GPC6: variants seen among roughly 807,000 people sequenced by gnomAD.
The protein encoded by GPC6 is glypican 6, also known as glypican-6.
GPC6 carries 14 observed loss-of-function variants against 55.2 expected under a neutral mutation model. That is an observed-to-expected ratio of 0.25 (90% CI 0.17 to 0.40). GPC6 has a LOEUF of 0.40. Ranked by LOEUF, GPC6 falls within the 10% of genes least tolerant of loss-of-function variation. The pLI, the probability that GPC6 is intolerant of heterozygous loss-of-function variation, is 1.00. For missense variants in GPC6, 641 were observed against 708.5 expected (o/e 0.90, Z 1.08); for synonymous variants, 278 against 259.6 (o/e 1.07, Z -0.68).
At chr13:93,801,813 C>T (rs1886381135) in intron 2 of GPC6, among the ~76,000 whole-genome samples, 1 of 152,102 alleles carries the variant, frequency 6.6e-6, no homozygotes, top group South Asian at 2.1e-4. Context: ...AATGAACTTC[C>T]AGCTTCATTT....
intron 3 of GPC6, among the ~76,000 whole-genome samples, chr13:93,962,539 A>G (rs1879831805): frequency 6.6e-6 from 1 of 152,192 alleles, no homozygotes; most frequent in South Asian, 2.1e-4. Context: ...GACTGAATAC[A>G]GAAACGAATA....
chr13:93,765,819 G>A (rs1054746811), intron 2 of GPC6, among the ~76,000 whole-genome samples: 22 of 152,192 alleles, frequency 1.4e-4, no homozygotes, highest in Admixed American at 4.6e-4. Context: ...GAATGGGCCT[G>A]TGCCTCCAAG....
intron 1 of GPC6, among the ~76,000 whole-genome samples, chr13:93,481,498 A>T (rs1235656773): frequency 1.3e-5 from 2 of 152,108 alleles, no homozygotes; most frequent in Non-Finnish European, 2.9e-5. Context: ...TATAGCTAAG[A>T]ATCCAAGATT....
At chr13:94,013,575 C>A (rs1882337448) in intron 3 of GPC6, among the ~76,000 whole-genome samples, 1 of 152,154 alleles carries the variant, frequency 6.6e-6, no homozygotes, top group African/African-American at 2.4e-5. Flanking sequence ...GTCTCGAATG[C>A]CTGACCTCAG....
intron 2 of GPC6, among the ~76,000 whole-genome samples, chr13:93,824,852 A>T (rs1453730450): frequency 6.6e-6 from 1 of 152,114 alleles, no homozygotes; most frequent in Non-Finnish European, 1.5e-5. Context: ...GGTCATGTTC[A>T]TCCATCGATC....
intron 3 of GPC6, among the ~76,000 whole-genome samples, chr13:93,962,669 G>T (rs1232261269): frequency 1.3e-5 from 2 of 152,116 alleles, no homozygotes; most frequent in Non-Finnish European, 2.9e-5. Flanking sequence ...GAATCCAGGT[G>T]GTAAAACCTA....
intron 2 of GPC6, among the ~76,000 whole-genome samples, chr13:93,698,988 G>A (rs917576999): frequency 4.6e-5 from 7 of 152,160 alleles, no homozygotes; most frequent in African/African-American, 1.7e-4. Flanking sequence ...AGAACTAGGA[G>A]AACTGAAAAG....
rs1875451443 is a variant in GPC6, at chr13:94,298,309, A to G, written c.1009-7671A>G. Among the ~76,000 whole-genome samples the G allele has an allele frequency of 2.0e-5, 3 of 152,200 alleles. No individual in the cohort carries two copies. The South Asian group carries it at 6.2e-4, about 31-fold the overall frequency. On this transcript the variant is annotated intron_variant, in intron 5 of 8. Transcript: ENST00000377047. Reference sequence around the variant, plus strand: ...TTCAACTAATTCTGATTTGCTTCCTAATGATACGTGAATGCTCCCAGGCAC... The same window carrying G: ...TTCAACTAATTCTGATTTGCTTCCTGATGATACGTGAATGCTCCCAGGCAC...
chr13:93,932,122 TTGTC>T (rs778367245), intron 3 of GPC6, among the ~76,000 whole-genome samples: 12 of 152,250 alleles, frequency 7.9e-5, no homozygotes, highest in Non-Finnish European at 1.6e-4. Context: ...AGTATTTTAA[TTGTC>T]TGGCGAACAG....
At chr13:93,958,847 T>C (rs1879631101) in intron 3 of GPC6, among the ~76,000 whole-genome samples, 1 of 152,212 alleles carries the variant, frequency 6.6e-6, no homozygotes, top group African/African-American at 2.4e-5. Flanking sequence ...ATTTGTGTTG[T>C]CTCAGATTTC....
At position 94,006,338 on chromosome 13, in the gene GPC6, G is replaced by A. The variant is rs571447368; in HGVS notation, c.712-21391G>A. On this transcript the variant is annotated intron_variant, in intron 3 of 8. Coordinates refer to ENST00000377047, the MANE Select transcript of GPC6 (RefSeq NM_005708.5). ...GGGTGATGTATTGAGGGAACTTAAA[G>A]ACAGAACCGTGGCCTTGGATAGCAG... 1.2e-4 allele frequency among the ~76,000 whole-genome samples: 19 copies of A among 152,258 alleles called. No homozygotes were observed. In the South Asian group the frequency reaches 3.7e-3, roughly 30 times the overall value.
intron 1 of GPC6, among the ~76,000 whole-genome samples, chr13:93,361,554 T>G (rs1020385731): frequency 2.0e-5 from 3 of 152,182 alleles, no homozygotes; most frequent in Admixed American, 2.0e-4. Context: ...TTTCCTTTAT[T>G]CATTTAAAAA....
chr13:93,227,184 T>G lies in GPC6; in HGVS notation c.-273T>G. Reference sequence around the variant, plus strand: ...ACTTCTTTTCCTTCTCTTCCTCGTTTTGATTGCACCGTTTCCATCTGGGGG... The same window carrying G: ...ACTTCTTTTCCTTCTCTTCCTCGTTGTGATTGCACCGTTTCCATCTGGGGG... On this transcript the variant is annotated 5_prime_UTR_variant, in exon 1 of 9. Coordinates refer to ENST00000377047, the MANE Select transcript of GPC6 (RefSeq NM_005708.5). The surrounding 1 kb of genome is among the most constrained non-coding windows in gnomAD (Gnocchi z 4.3). 1 of 353,386 alleles carries G rather than the reference T, an allele frequency of 2.8e-6. No individual in the cohort carries two copies. The highest frequency in any genetic ancestry group is 5.1e-6 in the Non-Finnish European group (1 of 195,600). 21.9% of individuals were successfully genotyped at this position (353,386 alleles called of 1,614,324 possible). A position where few individuals can be genotyped will look rare whatever the true frequency, so the allele number is the denominator to read the frequency against.
intron 2 of GPC6, among the ~76,000 whole-genome samples, chr13:93,828,180 A>G (rs1417849471): frequency 6.6e-6 from 1 of 152,148 alleles, no homozygotes; most frequent in Admixed American, 6.5e-5. Context: ...TGCAGAGCTC[A>G]TGATTAGAAT....
intron 1 of GPC6, among the ~76,000 whole-genome samples, chr13:93,242,215 CT>C (rs1876457443): frequency 6.6e-6 from 1 of 152,156 alleles, no homozygotes; most frequent in African/African-American, 2.4e-5. Flanking sequence ...CATCCCAGCC[CT>C]GATGGATGTA....
At chr13:93,640,232 C>CT (rs1354471523) in intron 2 of GPC6, among the ~76,000 whole-genome samples, 4 of 149,956 alleles carry the variant, frequency 2.7e-5, no homozygotes, top group African/African-American at 4.8e-5. Context: ...GTTAAAAATC[C>CT]TTTTTTCAGC....
At chr13:93,656,235 G>T (rs940062841) in intron 2 of GPC6, among the ~76,000 whole-genome samples, 4 of 152,126 alleles carry the variant, frequency 2.6e-5, no homozygotes, top group South Asian at 4.1e-4. Flanking sequence ...TAATGTAAAC[G>T]GTGTCAGCAA....
At chr13:93,597,469 G>GC (rs755926677) in intron 2 of GPC6, among the ~76,000 whole-genome samples, 89 of 152,194 alleles carry the variant, frequency 5.8e-4, no homozygotes, top group Non-Finnish European at 1.1e-3. Flanking sequence ...TGGAACCTGG[G>GC]CCCCCTTCCA....
intron 6 of GPC6, among the ~76,000 whole-genome samples, chr13:94,333,423 C>T (rs1287385309): frequency 6.6e-6 from 1 of 152,156 alleles, no homozygotes; most frequent in Non-Finnish European, 1.5e-5. Flanking sequence ...TTGCATTTTT[C>T]CCCTCTTGTC....
Sources: allele counts gnomAD v4.1 joint callset (sites outside exome capture counted in the v4.1 genomes callset), GRCh38; gene constraint gnomAD v4.1.1; non-coding constraint Gnocchi (gnomAD v3.1); transcripts MANE v1.5; gene names NCBI Gene and HGNC (gene_info 2026-07-23, HGNC 2026-07-21).